The following CCDC3 variants were observed in gnomAD, a reference collection of about 807,000 sequenced individuals.
CCDC3 encodes the protein coiled-coil domain-containing protein 3.
CCDC3 carries 24 observed loss-of-function variants against 21.4 expected under a neutral mutation model. That is an observed-to-expected ratio of 1.12 (90% CI 0.81 to 1.58). The LOEUF is 1.58. Ranked by LOEUF, CCDC3 falls within the 40% of genes most tolerant of loss-of-function variation. CCDC3 has a pLI of 0.00. For synonymous variants in CCDC3, 186 were observed against 166.0 expected (o/e 1.12, Z -0.93); for missense variants, 425 against 360.9 (o/e 1.18, Z -1.44).
chr10:13,054,020 C>A (rs1292688331), intron 4 of CCDC3, among the ~76,000 whole-genome samples: 1 of 152,008 alleles, frequency 6.6e-6, no homozygotes, highest in African/African-American at 2.4e-5. Context: ...TGGTGCATGC[C>A]TGTAATCCCA....
chr10:12,902,548 G>A (rs1462006658), intron 2 of CCDC3, among the ~76,000 whole-genome samples: 1 of 152,206 alleles, frequency 6.6e-6, no homozygotes, highest in Non-Finnish European at 1.5e-5. Context: ...ATGACAACAA[G>A]AGGATTGGGG....
At chr10:12,935,240 A>T (rs1834717464) in intron 2 of CCDC3, among the ~76,000 whole-genome samples, 2 of 152,076 alleles carry the variant, frequency 1.3e-5, no homozygotes, top group African/African-American at 4.8e-5. Context: ...TTTGTTTGAG[A>T]CAGAATTTTG....
intron 5 of CCDC3, among the ~76,000 whole-genome samples, chr10:13,007,817 C>T (rs1170046198): frequency 6.6e-6 from 1 of 152,116 alleles, no homozygotes; most frequent in African/African-American, 2.4e-5. Flanking sequence ...GTGAGTTCTT[C>T]TTCTTTCTTC....
At chr10:13,095,145 T>G (rs1265288171) in intron 3 of CCDC3, among the ~76,000 whole-genome samples, 1 of 9,044 alleles carries the variant, frequency 1.1e-4, no homozygotes, top group Non-Finnish European at 9.7e-4. Context: ...CTGTTTTCAG[T>G]TTCTTTGGAG....
exon 4 of CCDC3, chr10:13,074,069 T>G (rs1588415656): frequency 6.6e-6 from 1 of 151,020 alleles, no homozygotes; most frequent in East Asian, 2.0e-4. Context: ...TCCATTTATA[T>G]GATAATCACT....
intron 3 of CCDC3, among the ~76,000 whole-genome samples, chr10:13,082,367 G>T (rs1837052689): frequency 6.6e-6 from 1 of 152,254 alleles, no homozygotes. Context: ...CTGCATATCA[G>T]AGACTTTTAG....
At chr10:13,069,481 T>A (rs1259751608) in intron 4 of CCDC3, among the ~76,000 whole-genome samples, 1 of 152,224 alleles carries the variant, frequency 6.6e-6, no homozygotes, top group African/African-American at 2.4e-5. Context: ...AAATAAATAA[T>A]TTATGGCAAT....
Position 12,898,490 on chromosome 10 carries a change from C to T in CCDC3, c.739G>A (p.Glu247Lys). Residue 247 changes from glutamate to lysine, a missense_variant, in exon 3 of 3, where the codon GAG (glutamate) becomes AAG (lysine). Transcript: ENST00000378825. ...GGCAGCGCGCCCGCCGCCAGCTTCT[C>T]ACTGAGTTTCTGGTTCGCCAGCTCC... ...HLELANQKLSEKLAAGALPHI... is the reference protein window; with the variant it reads ...HLELANQKLSKKLAAGALPHI... 1 of 1,613,734 alleles carries T rather than the reference C, an allele frequency of 6.2e-7. No individual in the cohort carries two copies. Among genetic ancestry groups the T allele is most frequent in the Non-Finnish European group, 8.5e-7 (1 of 1,179,676 alleles).
rs141532489 is a variant in CCDC3, at chr10:12,966,348, A to G, written c.549+31990T>C. ...TTCAGCACAGCCTATTTACGCTACT[A>G]TCTATAGGAGGAATCTCCCTTCCCC... is the stretch of plus-strand genomic sequence containing the variant. On this transcript the variant is annotated intron_variant, in intron 2 of 2. Transcript: ENST00000378825. Among the ~76,000 whole-genome samples the G allele has an allele frequency of 2.5e-3, 375 of 152,042 alleles. 5 individuals carry two copies. The highest frequency in any genetic ancestry group is 8.5e-3 in the African/African-American group (351 of 41,456).
chr10:13,033,323 C>T (rs1189083322), intron 5 of CCDC3, among the ~76,000 whole-genome samples: 1 of 152,116 alleles, frequency 6.6e-6, no homozygotes, highest in Admixed American at 6.5e-5. Context: ...TTCCTTATAC[C>T]TTGTACTAAA....
At chr10:12,972,928 G>A (rs1318024865) in intron 2 of CCDC3, among the ~76,000 whole-genome samples, 2 of 152,230 alleles carry the variant, frequency 1.3e-5, no homozygotes, top group Non-Finnish European at 2.9e-5. Flanking sequence ...TTTGAATCCA[G>A]ACAGGCACGG....
chr10:13,014,697 C>T (rs1017975281), intron 5 of CCDC3, among the ~76,000 whole-genome samples: 21 of 151,794 alleles, frequency 1.4e-4, no homozygotes, highest in Admixed American at 6.6e-5. Flanking sequence ...TATCCTATAG[C>T]GGTTTGTTGG....
chr10:12,975,248 C>T (rs1274119776), intron 2 of CCDC3, among the ~76,000 whole-genome samples: 1 of 152,142 alleles, frequency 6.6e-6, no homozygotes, highest in Non-Finnish European at 1.5e-5. Flanking sequence ...ACGCCTCTGC[C>T]CATTTCACAA....
intron 2 of CCDC3, among the ~76,000 whole-genome samples, chr10:12,918,046 G>C (rs1384223310): frequency 6.6e-6 from 1 of 152,124 alleles, no homozygotes; most frequent in Non-Finnish European, 1.5e-5. Flanking sequence ...GGTATGAAGG[G>C]AGTATATAAA....
At chr10:13,061,378 T>C (rs1836755664) in intron 4 of CCDC3, among the ~76,000 whole-genome samples, 1 of 152,200 alleles carries the variant, frequency 6.6e-6, no homozygotes, top group African/African-American at 2.4e-5. Context: ...ATGTTGTTTA[T>C]TACATGACGC....
chr10:12,924,404 G>C (rs1249548455), intron 2 of CCDC3, among the ~76,000 whole-genome samples: 2 of 152,314 alleles, frequency 1.3e-5, no homozygotes, highest in African/African-American at 4.8e-5. Context: ...AGAAATCCTA[G>C]AATGCTTTCT....
chr10:12,981,719 C>T (rs1196423412), intron 2 of CCDC3, among the ~76,000 whole-genome samples: 1 of 152,114 alleles, frequency 6.6e-6, no homozygotes, highest in Non-Finnish European at 1.5e-5. Flanking sequence ...TGGCAAGAGT[C>T]CTGTTTATTT....
At chr10:12,958,114 C>A (rs13376823) in intron 2 of CCDC3, among the ~76,000 whole-genome samples, 77,729 of 151,804 alleles carry the variant, frequency 0.51, 22,604 homozygotes, top group Non-Finnish European at 0.65. Flanking sequence ...GGCTTGAGCC[C>A]CTATTCCTGG....
intron 3 of CCDC3, among the ~76,000 whole-genome samples, chr10:13,092,699 T>A: frequency 6.6e-6 from 1 of 152,188 alleles, no homozygotes; most frequent in East Asian, 1.9e-4. Flanking sequence ...TTGCAAAATT[T>A]AAAGATATAG....
Sources: gnomAD v4.1 joint callset for allele counts (sites outside exome capture counted in the v4.1 genomes callset) on GRCh38, gnomAD v4.1.1 for gene constraint, MANE v1.5 for transcripts, NCBI Gene and HGNC (gene_info 2026-07-23, HGNC 2026-07-21) for gene names.